PPM1L: variants seen among roughly 807,000 people sequenced by gnomAD.
PPM1L encodes the protein protein phosphatase, Mg2+/Mn2+ dependent 1L.
In PPM1L, 13 loss-of-function variants were observed where a neutral mutation model predicts 31.4. The observed-to-expected ratio is 0.41, with a 90% confidence interval of 0.27 to 0.66. PPM1L has a LOEUF of 0.66. Ranked by LOEUF, PPM1L falls within the 30% of genes least tolerant of loss-of-function variation. The probability of loss-of-function intolerance (pLI) is 0.29; values close to 1 mark genes in which losing one functional copy is unlikely to be tolerated. For synonymous variants in PPM1L, 184 were observed against 175.4 expected (o/e 1.05, Z -0.39); for missense variants, 326 against 453.7 (o/e 0.72, Z 2.56).
intron 2 of PPM1L, among the ~76,000 whole-genome samples, chr3:161,064,404 T>C (rs1576626099): frequency 6.6e-6 from 1 of 152,024 alleles, no homozygotes; most frequent in Non-Finnish European, 1.5e-5. Context: ...TTTTTGTTGT[T>C]CCATGAAAAC....
chr3:160,966,175 C>T (rs1037180219), intron 2 of PPM1L, among the ~76,000 whole-genome samples: 5 of 152,064 alleles, frequency 3.3e-5, no homozygotes, highest in African/African-American at 1.2e-4. Context: ...TTTCAGTTCT[C>T]ACCTAGAATC....
intron 1 of PPM1L, among the ~76,000 whole-genome samples, chr3:160,940,017 A>G (rs1715108592): frequency 6.6e-6 from 1 of 152,232 alleles, no homozygotes; most frequent in Admixed American, 6.5e-5. Flanking sequence ...GTGGTCTCAG[A>G]TGGAGACGAG....
intron 2 of PPM1L, among the ~76,000 whole-genome samples, chr3:161,034,249 G>A (rs561891824): frequency 5.3e-5 from 8 of 152,160 alleles, no homozygotes; most frequent in African/African-American, 1.2e-4. Context: ...TGGTGGGAGC[G>A]TAAATTAGTT....
At chr3:160,898,371 G>A (rs574135785) in intron 1 of PPM1L, among the ~76,000 whole-genome samples, 14 of 152,316 alleles carry the variant, frequency 9.2e-5, no homozygotes, top group African/African-American at 3.1e-4. Flanking sequence ...ACACTGTCAG[G>A]TGGGGAGACT....
At chr3:160,787,774 T>C (rs1166222661) in intron 1 of PPM1L, among the ~76,000 whole-genome samples, 1 of 152,222 alleles carries the variant, frequency 6.6e-6, no homozygotes, top group Non-Finnish European at 1.5e-5. Context: ...TTGATTTTTG[T>C]ATATGGTGAA....
At chr3:160,805,550 T>C (rs1712571983) in intron 1 of PPM1L, among the ~76,000 whole-genome samples, 1 of 152,070 alleles carries the variant, frequency 6.6e-6, no homozygotes, top group Admixed American at 6.6e-5. Context: ...GGTGATATCC[T>C]GTCTCTGCTA....
intron 1 of PPM1L, among the ~76,000 whole-genome samples, chr3:160,759,737 G>GA (rs1351092191): frequency 4.6e-5 from 7 of 152,064 alleles, no homozygotes; most frequent in African/African-American, 1.4e-4. Flanking sequence ...GAAGGCCCAG[G>GA]AAAAAACGCC....
At chr3:160,794,315 T>TG (rs1712182683) in intron 1 of PPM1L, among the ~76,000 whole-genome samples, 1 of 152,056 alleles carries the variant, frequency 6.6e-6, no homozygotes, top group South Asian at 2.1e-4. Flanking sequence ...AGTTGATGAG[T>TG]GGGGAAAAGG....
At chr3:160,867,556 T>C (rs1712137297) in intron 1 of PPM1L, among the ~76,000 whole-genome samples, 2 of 152,276 alleles carry the variant, frequency 1.3e-5, no homozygotes, top group African/African-American at 4.8e-5. Context: ...TTTTTCCTTA[T>C]ATGCTTAAAT....
intron 1 of PPM1L, among the ~76,000 whole-genome samples, chr3:160,800,461 A>T (rs1346302741): frequency 6.6e-6 from 1 of 152,170 alleles, no homozygotes; most frequent in Admixed American, 6.5e-5. Flanking sequence ...TTGAAAATAC[A>T]TGATATATTG....
At chr3:160,908,635 T>G (rs772403622) in intron 1 of PPM1L, among the ~76,000 whole-genome samples, 3 of 152,218 alleles carry the variant, frequency 2.0e-5, no homozygotes, top group Admixed American at 1.3e-4. Context: ...CCACTTAATA[T>G]GAACACACAG....
chr3:160,847,490 C>G (rs937595293), intron 1 of PPM1L, among the ~76,000 whole-genome samples: 4 of 152,130 alleles, frequency 2.6e-5, no homozygotes, highest in African/African-American at 9.7e-5. Flanking sequence ...TGCAAGACTT[C>G]AAATAAATGT....
At chr3:160,859,732 T>G (rs1711829746) in intron 1 of PPM1L, among the ~76,000 whole-genome samples, 2 of 152,206 alleles carry the variant, frequency 1.3e-5, no homozygotes, top group African/African-American at 4.8e-5. Flanking sequence ...TGAGCCACCC[T>G]CACCCCTGGG....
At chr3:160,956,054 G>T (rs1715766173) in intron 1 of PPM1L, among the ~76,000 whole-genome samples, 1 of 152,110 alleles carries the variant, frequency 6.6e-6, no homozygotes, top group Non-Finnish European at 1.5e-5. Context: ...AGTTCTTAAA[G>T]AATATACCAT....
intron 2 of PPM1L, among the ~76,000 whole-genome samples, chr3:160,990,848 T>C (rs1198052837): frequency 6.6e-6 from 1 of 152,228 alleles, no homozygotes; most frequent in Non-Finnish European, 1.5e-5. Flanking sequence ...TAGGACTGTC[T>C]ATTACATTGC....
At chr3:161,065,712 C>G in intron 3 of PPM1L, 148 bp downstream of exon 3, 1 of 595,976 alleles carries the variant, frequency 1.7e-6, no homozygotes, top group Non-Finnish European at 2.8e-6. Flanking sequence ...GTAACATTAC[C>G]TATCAAATAA....
At chr3:160,936,213 C>T (rs1714967878) in intron 1 of PPM1L, among the ~76,000 whole-genome samples, 2 of 152,148 alleles carry the variant, frequency 1.3e-5, no homozygotes, top group African/African-American at 4.8e-5. Context: ...CCTCAGCCTC[C>T]TGAGTAGCTG....
chr3:160,899,860 G>GTGAGTGTGAAGGT (rs1713479764), intron 1 of PPM1L, among the ~76,000 whole-genome samples: 1 of 152,166 alleles, frequency 6.6e-6, no homozygotes, highest in Non-Finnish European at 1.5e-5. Context: ...TTTCTAAAGA[G>GTGAGTGTGAAGGT]TGAGTGTGAA....
intron 1 of PPM1L, among the ~76,000 whole-genome samples, chr3:160,853,613 T>A (rs944305109): frequency 6.6e-6 from 1 of 152,166 alleles, no homozygotes; most frequent in Non-Finnish European, 1.5e-5. Context: ...ATATTTATGA[T>A]CATTTGTTCA....
Sources: gnomAD v4.1 joint callset for allele counts (sites outside exome capture counted in the v4.1 genomes callset) on GRCh38, gnomAD v4.1.1 for gene constraint, MANE v1.5 for transcripts, NCBI Gene and HGNC (gene_info 2026-07-23, HGNC 2026-07-21) for gene names.